RIMS2: variants seen among roughly 807,000 people sequenced by gnomAD.
RIMS2 encodes regulating synaptic membrane exocytosis 2.
A neutral mutation model predicts 174.4 loss-of-function variants in RIMS2; 59 were observed. The ratio of observed to expected loss-of-function variants is 0.34; its 90% CI spans 0.27 to 0.42. The LOEUF is 0.42. Ranked by LOEUF, RIMS2 falls within the 10% of genes least tolerant of loss-of-function variation. The pLI is 1.00. For missense variants in RIMS2, 1,620 were observed against 1,666.3 expected (o/e 0.97, Z 0.48); for synonymous variants, 606 against 572.5 (o/e 1.06, Z -0.84).
chr8:103,741,779 A>G (rs1281303671), intron 2 of RIMS2, among the ~76,000 whole-genome samples: 1 of 152,110 alleles, frequency 6.6e-6, no homozygotes, highest in Non-Finnish European at 1.5e-5. Context: ...TCTTAGAACT[A>G]TATATTTAGC....
chr8:104,187,426 A>G (rs1029585017), intron 19 of RIMS2, among the ~76,000 whole-genome samples: 1 of 151,832 alleles, frequency 6.6e-6, no homozygotes, highest in African/African-American at 2.4e-5. Flanking sequence ...CTAGGGAAGT[A>G]TCAACGCAGA....
At chr8:103,694,229 G>C (rs879865977) in intron 1 of RIMS2, among the ~76,000 whole-genome samples, 16 of 152,130 alleles carry the variant, frequency 1.1e-4, no homozygotes, top group Non-Finnish European at 1.9e-4. Flanking sequence ...CTTAGACCAG[G>C]ATGCTAACAT....
intron 3 of RIMS2, among the ~76,000 whole-genome samples, chr8:103,796,156 T>C (rs950687339): frequency 2.0e-5 from 3 of 152,202 alleles, no homozygotes; most frequent in Non-Finnish European, 1.5e-5. Context: ...TCAACTTTAT[T>C]TACTGCTCTC....
At chr8:103,627,928 C>G (rs1391749455) in intron 1 of RIMS2, among the ~76,000 whole-genome samples, 1 of 152,128 alleles carries the variant, frequency 6.6e-6, no homozygotes, top group Non-Finnish European at 1.5e-5. Context: ...CCTAAATGCG[C>G]CTGCTCCTTT....
intron 19 of RIMS2, among the ~76,000 whole-genome samples, chr8:104,101,128 T>A (rs973430612): frequency 1.8e-4 from 26 of 145,902 alleles, no homozygotes; most frequent in Admixed American, 4.9e-4. Context: ...TAATATATAT[T>A]TTACATATAT....
intron 2 of RIMS2, among the ~76,000 whole-genome samples, chr8:103,753,996 C>T (rs1244744703): frequency 6.6e-6 from 1 of 152,016 alleles, no homozygotes; most frequent in Non-Finnish European, 1.5e-5. Context: ...GCTCTTGCTA[C>T]TCTAGTTCTT....
intron 1 of RIMS2, among the ~76,000 whole-genome samples, chr8:103,641,070 A>G (rs1257668445): frequency 3.3e-5 from 5 of 152,050 alleles, no homozygotes. Context: ...GTTTTCTTGG[A>G]GGAATTCATC....
At chr8:103,995,588 T>A (rs1193372850) in intron 17 of RIMS2, among the ~76,000 whole-genome samples, 2 of 151,902 alleles carry the variant, frequency 1.3e-5, no homozygotes, top group Non-Finnish European at 2.9e-5. Context: ...AGATAAGAGG[T>A]AGTGGTATGG....
Position 103,931,584 on chromosome 8 carries a change from A to G in RIMS2, c.2375+191A>G, listed in dbSNP as rs145568254. ...ATTTTTTAAAACTCACATGTCGTAT[A>G]TGTGATTTTGAATATTAATTTTAGG... On this transcript the variant is annotated intron_variant, in intron 12 of 23. Coordinates refer to ENST00000504942, the Ensembl canonical transcript of RIMS2. 5.3e-5 allele frequency among the ~76,000 whole-genome samples: 8 copies of G among 152,214 alleles called. No individual in the cohort carries two copies. The East Asian group carries it at 1.4e-3, about 26-fold the overall frequency.
intron 2 of RIMS2, among the ~76,000 whole-genome samples, chr8:103,715,963 G>A (rs1300114261): frequency 2.6e-5 from 4 of 151,924 alleles, no homozygotes; most frequent in African/African-American, 9.7e-5. Context: ...TGAGCTCAGT[G>A]TTTAACTGAT....
At position 103,550,877 on chromosome 8, in the gene RIMS2, GACAC is replaced by G. The variant is rs201041570; in HGVS notation, c.176+49817_176+49820del. On this transcript the variant is annotated intron_variant, in intron 1 of 23. Coordinates refer to ENST00000504942, the Ensembl canonical transcript of RIMS2. ...TCTAGAAGAAATGGATAAATTCCTC[GACAC>G]ATACAAGACTAAACCAGGAAGAAGT... 3.4e-3 allele frequency among the ~76,000 whole-genome samples: 501 copies of G among 145,482 alleles called. 1 individual carries two copies. The highest frequency in any genetic ancestry group is 0.012 in the African/African-American group (469 of 38,862).
At chr8:103,593,735 TTTAA>T (rs1246543964) in intron 1 of RIMS2, among the ~76,000 whole-genome samples, 18 of 151,496 alleles carry the variant, frequency 1.2e-4, no homozygotes, top group East Asian at 9.7e-4. Context: ...TGTGATTACT[TTTAA>T]TTAATTAATG....
At chr8:104,056,289 A>G (rs1174796625) in intron 19 of RIMS2, among the ~76,000 whole-genome samples, 1 of 151,848 alleles carries the variant, frequency 6.6e-6, no homozygotes, top group Non-Finnish European at 1.5e-5. Context: ...CTGTAGTCCC[A>G]CTTACTCAGG....
intron 3 of RIMS2, among the ~76,000 whole-genome samples, chr8:103,773,432 A>C (rs900932081): frequency 2.6e-5 from 4 of 152,196 alleles, no homozygotes; most frequent in African/African-American, 9.6e-5. Context: ...GAGAAATGCA[A>C]ATCAAGACTA....
chr8:103,786,398 G>A (rs545485920), intron 3 of RIMS2, among the ~76,000 whole-genome samples: 38 of 151,710 alleles, frequency 2.5e-4, no homozygotes, highest in East Asian at 9.7e-4. Context: ...GCTTTCTCTT[G>A]TGGGCATTTA....
intron 3 of RIMS2, among the ~76,000 whole-genome samples, chr8:103,816,633 G>A (rs2098720226): frequency 6.6e-6 from 1 of 152,166 alleles, no homozygotes; most frequent in African/African-American, 2.4e-5. Flanking sequence ...TTAAGGATGA[G>A]TAGGGGCAGG....
chr8:103,992,036 A>G (rs1596541791), intron 17 of RIMS2, among the ~76,000 whole-genome samples: 1 of 152,278 alleles, frequency 6.6e-6, no homozygotes, highest in East Asian at 1.9e-4. Flanking sequence ...AATAATTTAC[A>G]TTTAATGTGC....
chr8:103,713,872 A>G (rs1054131618), intron 2 of RIMS2, among the ~76,000 whole-genome samples: 4 of 152,124 alleles, frequency 2.6e-5, no homozygotes, highest in Non-Finnish European at 1.5e-5. Flanking sequence ...AGATTATACT[A>G]CTTACACTTC....
intron 20 of RIMS2, among the ~76,000 whole-genome samples, chr8:104,246,862 C>G (rs576483825): frequency 6.6e-6 from 1 of 151,834 alleles, no homozygotes; most frequent in Admixed American, 6.6e-5. Flanking sequence ...GTGGCAGGGG[C>G]GGGGGCAGCT....
Sources: allele counts gnomAD v4.1 joint callset (sites outside exome capture counted in the v4.1 genomes callset), GRCh38; gene constraint gnomAD v4.1.1; transcripts MANE v1.5; gene names NCBI Gene and HGNC (gene_info 2026-07-23, HGNC 2026-07-21).